Variants in PLXNA4 observed in about 807,000 individuals in gnomAD.
PLXNA4 encodes plexin A4.
PLXNA4 carries 44 observed loss-of-function variants against 191.8 expected under a neutral mutation model. The observed-to-expected ratio is 0.23, with a 90% CI of 0.18 to 0.29. The LOEUF is 0.29. Ranked by LOEUF, PLXNA4 falls within the 10% of genes least tolerant of loss-of-function variation. The pLI is 1.00. For synonymous variants in PLXNA4, 1,082 were observed against 1,009.5 expected, an observed-to-expected ratio of 1.07 and a Z score of -1.36; for missense variants, 1,800 against 2,488.8, an observed-to-expected ratio of 0.72 and a Z score of 5.89.
At chr7:132,402,520 G>A (rs1462987363) in intron 3 of PLXNA4, among the ~76,000 whole-genome samples, 1 of 152,128 alleles carries the variant, frequency 6.6e-6, no homozygotes, top group Non-Finnish European at 1.5e-5. Flanking sequence ...CAGGGGAGAG[G>A]GGCAGTGTGC....
At chr7:132,193,943 G>C in intron 14 of PLXNA4, 119 bp downstream of exon 14, 2 of 1,301,352 alleles carry the variant, frequency 1.5e-6, no homozygotes, top group Non-Finnish European at 2.1e-6. Context: ...TGAACTGAGG[G>C]AGGTTGCAGG....
chr7:132,429,404 T>G (rs777533518), intron 3 of PLXNA4, among the ~76,000 whole-genome samples: 1 of 151,778 alleles, frequency 6.6e-6, no homozygotes. Context: ...AAGGGTCAGA[T>G]AAATAGTTTA....
At position 132,170,850 on chromosome 7, in the gene PLXNA4, C is replaced by T. The variant is rs561012442; in HGVS notation, c.4018-2278G>A. On this transcript the variant is annotated intron_variant, in intron 21 of 31. Coordinates refer to ENST00000321063, the MANE Select transcript of PLXNA4 (RefSeq NM_020911.2). ...AAATCAGGTCCATTTTCATTTCTCT[C>T]ACTGTGGTGCTGGTCCTTGGAGGGC... Among the ~76,000 whole-genome samples the T allele has an allele frequency of 4.6e-5, 7 of 152,362 alleles. No individual in the cohort carries two copies. The South Asian group carries it at 1.4e-3, about 32-fold the overall frequency.
chr7:132,433,780 C>T (rs936248596), intron 3 of PLXNA4, among the ~76,000 whole-genome samples: 2 of 152,166 alleles, frequency 1.3e-5, no homozygotes, highest in Non-Finnish European at 2.9e-5. Flanking sequence ...GCCCTGACTT[C>T]CTAACCTCAT....
intron 3 of PLXNA4, among the ~76,000 whole-genome samples, chr7:132,415,781 G>A (rs1241939381): frequency 1.3e-5 from 2 of 152,190 alleles, no homozygotes; most frequent in Non-Finnish European, 2.9e-5. Flanking sequence ...TGAGGAAACT[G>A]AGGTCTGGAT....
chr7:132,314,256 C>G (rs1465249839), intron 3 of PLXNA4, among the ~76,000 whole-genome samples: 7 of 152,202 alleles, frequency 4.6e-5, no homozygotes, highest in African/African-American at 1.7e-4. Context: ...AGGGCTGGTT[C>G]AGGAACTTCT....
intron 1 of PLXNA4, among the ~76,000 whole-genome samples, chr7:132,536,165 G>A (rs1326529560): frequency 6.6e-6 from 1 of 152,198 alleles, no homozygotes; most frequent in African/African-American, 2.4e-5. Flanking sequence ...GATTAAATGA[G>A]TTAATAAGTG....
chr7:132,148,302 G>T (rs556294472), intron 26 of PLXNA4, among the ~76,000 whole-genome samples: 39 of 152,328 alleles, frequency 2.6e-4, no homozygotes, highest in African/African-American at 8.9e-4. Context: ...CTTCTCAGGA[G>T]AGCCTTCCCT....
At chr7:132,481,538 C>T (rs1797336623) in intron 3 of PLXNA4, among the ~76,000 whole-genome samples, 1 of 152,150 alleles carries the variant, frequency 6.6e-6, no homozygotes, top group African/African-American at 2.4e-5. Flanking sequence ...TTGAGGATTA[C>T]ATGTGACAAT....
intron 13 of PLXNA4, among the ~76,000 whole-genome samples, chr7:132,196,662 A>AT (rs562941811): frequency 6.6e-6 from 1 of 152,232 alleles, no homozygotes; most frequent in Non-Finnish European, 1.5e-5. Flanking sequence ...GCCAGGCTAA[A>AT]GGCTTCTAAC....
chr7:132,151,425 AGGAGGAAGGAGGAGGAGGAGGAAGAAG>A (rs1795621062), intron 25 of PLXNA4, among the ~76,000 whole-genome samples: 1 of 91,060 alleles, frequency 1.1e-5, no homozygotes, highest in Non-Finnish European at 2.2e-5. Context: ...GAGGAGGAGG[AGGAGGAAGGAGGAGGAGGAGGAAGAAG>A]AAGGAGGAGG....
rs558392691 is a variant in PLXNA4, at chr7:132,629,911, G to A, written c.-87+16017C>T. Among the ~76,000 whole-genome samples the A allele has an allele frequency of 1.7e-4, 26 of 151,694 alleles. No homozygotes were observed. In the South Asian group the frequency reaches 2.3e-3, roughly 13 times the overall value. On this transcript the variant is annotated intron_variant, in intron 2 of 4. Transcript: ENST00000378539. ...GTCACCCAGGCTGGAGTGCAGTGGCGCAATCTCCGCTCACTGCAAGCTCCA... is the reference window on the plus strand; with the variant it reads ...GTCACCCAGGCTGGAGTGCAGTGGCACAATCTCCGCTCACTGCAAGCTCCA...
chr7:132,508,300 T>C lies in PLXNA4; in HGVS notation c.394A>G (p.Ser132Gly). 6.2e-7 allele frequency: 1 copy of C among 1,614,174 alleles called. No individual in the cohort carries two copies. The highest frequency in any genetic ancestry group is 8.5e-7 in the Non-Finnish European group (1 of 1,180,030). ...AGCTTGCAGATGCCTTGGTACAGGC[T>C]CCCACAGGCAATCAGCCTGTTCTCC... ...YKENRLIACG[S>G]LYQGICKLLR... Residue 132 changes from serine to glycine, a missense_variant, in exon 2 of 32, where the codon AGC becomes GGC. By Grantham distance (56) the Ser-to-Gly change is moderately conservative. This residue lies in a region of PLXNA4 where 1,397 missense variants were observed against 1,880.4 expected (regional missense o/e 0.74). Transcript: ENST00000321063. The surrounding 1 kb of genome is among the most constrained non-coding windows in gnomAD (Gnocchi z 4.4).
chr7:132,512,946 G>A (rs1307698232), intron 1 of PLXNA4, among the ~76,000 whole-genome samples: 1 of 152,186 alleles, frequency 6.6e-6, no homozygotes, highest in Non-Finnish European at 1.5e-5. Flanking sequence ...CAAGTAATGG[G>A]ACCAAATAAC....
At chr7:132,245,651 T>C (rs1208104511) in intron 4 of PLXNA4, among the ~76,000 whole-genome samples, 1 of 152,230 alleles carries the variant, frequency 6.6e-6, no homozygotes, top group East Asian at 1.9e-4. Flanking sequence ...ATAGTGGAAC[T>C]ACTCACAATA....
At chr7:132,410,378 T>A (rs1183773216) in intron 3 of PLXNA4, among the ~76,000 whole-genome samples, 1 of 152,184 alleles carries the variant, frequency 6.6e-6, no homozygotes, top group Non-Finnish European at 1.5e-5. Context: ...ACACTTTTCC[T>A]GACTTCGCCC....
intron 1 of PLXNA4, among the ~76,000 whole-genome samples, chr7:132,563,483 C>G (rs1445241954): frequency 1.0e-5 from 1 of 97,498 alleles, no homozygotes; most frequent in Non-Finnish European, 2.1e-5. Flanking sequence ...TTCTGCTGCT[C>G]CTCCTCCTCC....
intron 2 of PLXNA4, among the ~76,000 whole-genome samples, chr7:132,504,047 A>G (rs1798359850): frequency 6.6e-6 from 1 of 152,184 alleles, no homozygotes; most frequent in African/African-American, 2.4e-5. Flanking sequence ...TACATTTGTG[A>G]CAGGTTCGTT....
intron 3 of PLXNA4, among the ~76,000 whole-genome samples, chr7:132,391,809 C>T (rs1359746124): frequency 1.3e-5 from 2 of 152,100 alleles, no homozygotes; most frequent in Non-Finnish European, 2.9e-5. Flanking sequence ...TTGGAGGGCA[C>T]AAGGCTCTGG....
Sources: gnomAD v4.1 joint callset for allele counts (sites outside exome capture counted in the v4.1 genomes callset) on GRCh38, gnomAD v4.1.1 for gene constraint, gnomAD v4.1.1 regional missense constraint, Gnocchi (gnomAD v3.1) non-coding constraint, MANE v1.5 for transcripts, NCBI Gene and HGNC (gene_info 2026-07-23, HGNC 2026-07-21) for gene names.